Variants in TMEM132C observed in about 807,000 individuals in gnomAD.
TMEM132C encodes the protein protein phosphatase 1, regulatory subunit 152.
In TMEM132C, 29 loss-of-function variants were observed where a neutral mutation model predicts 61.4. The ratio of observed to expected loss-of-function variants is 0.47; its 90% CI spans 0.35 to 0.64. TMEM132C has a LOEUF of 0.64. TMEM132C is among the 30% of genes least tolerant of loss of function. The pLI is 0.00. For synonymous variants in TMEM132C, 656 were observed against 633.1 expected (o/e 1.04, Z -0.54); for missense variants, 1,408 against 1,476.9 (o/e 0.95, Z 0.76).
chr12:128,398,447 T>C (rs568866346), intron 1 of TMEM132C, among the ~76,000 whole-genome samples: 9 of 152,372 alleles, frequency 5.9e-5, no homozygotes, highest in African/African-American at 2.2e-4. Flanking sequence ...TTGTAGTTCA[T>C]AAGGTTTTCA....
chr12:128,433,301 C>G (rs1022860736), intron 2 of TMEM132C, among the ~76,000 whole-genome samples: 1 of 152,114 alleles, frequency 6.6e-6, no homozygotes, highest in Non-Finnish European at 1.5e-5. Context: ...TAGGGACTTT[C>G]CAGTGGAACA....
chr12:128,585,049 G>A (rs753888283), intron 3 of TMEM132C, among the ~76,000 whole-genome samples: 6 of 152,242 alleles, frequency 3.9e-5, no homozygotes, highest in Non-Finnish European at 8.8e-5. Flanking sequence ...CAGGAGGCAT[G>A]CTTCACTGGG....
chr12:128,554,011 A>C (rs527541580), intron 3 of TMEM132C, among the ~76,000 whole-genome samples: 1 of 152,284 alleles, frequency 6.6e-6, no homozygotes, highest in Admixed American at 6.5e-5. Flanking sequence ...TTTAACCTCA[A>C]AACTTCTAAA....
chr12:128,510,865 G>T (rs1205532001), intron 2 of TMEM132C, among the ~76,000 whole-genome samples: 1 of 152,236 alleles, frequency 6.6e-6, no homozygotes, highest in Non-Finnish European at 1.5e-5. Flanking sequence ...AGTGCCCTAT[G>T]CCTGCTGCTC....
intron 7 of TMEM132C, among the ~76,000 whole-genome samples, chr12:128,696,308 C>T (rs1004824986): frequency 2.6e-5 from 4 of 152,132 alleles, no homozygotes; most frequent in Admixed American, 6.5e-5. Flanking sequence ...CTTAGCTCCC[C>T]GTGTGACCTC....
intron 2 of TMEM132C, among the ~76,000 whole-genome samples, chr12:128,507,793 C>T (rs533079698): frequency 2.6e-4 from 40 of 152,298 alleles, no homozygotes; most frequent in African/African-American, 6.0e-4. Context: ...TCCAAGGCTC[C>T]GCAGACTTCT....
At position 128,630,533 on chromosome 12, in the gene TMEM132C, A is replaced by T. The variant is rs1235489004; in HGVS notation, c.1305+14198A>T. On this transcript the variant is annotated intron_variant, in intron 4 of 8. Transcript: ENST00000435159. The surrounding 1 kb of genome is among the most constrained non-coding windows in gnomAD (Gnocchi z 4.3). The stretch of plus-strand genomic sequence containing the variant: ...AAAAGAGCAACCTGGAACCCCTCTG[A>T]GCTTTCCCCACTCCCTTTGCAGTCT... 6.6e-6 allele frequency among the ~76,000 whole-genome samples: 1 copy of T among 152,058 alleles called. No individual in the cohort carries two copies. The highest frequency in any genetic ancestry group is 1.5e-5 in the Non-Finnish European group (1 of 68,006).
intron 4 of TMEM132C, among the ~76,000 whole-genome samples, chr12:128,663,959 T>TACAC (rs147494916): frequency 0.52 from 66,041 of 128,048 alleles, 16,306 homozygotes; most frequent in East Asian, 0.6. Context: ...CACACACACA[T>TACAC]ACAGGCACAT....
rs111454251 is a variant in TMEM132C at position 128,467,955 on chromosome 12, AG to A, written c.974+52337del. Among the ~76,000 whole-genome samples, 4 of 152,350 alleles carry A rather than the reference AG, an allele frequency of 2.6e-5. 1 individual carries two copies. Among genetic ancestry groups the A allele is most frequent in the African/African-American group, 9.6e-5 (4 of 41,596 alleles). On this transcript the variant is annotated intron_variant, in intron 2 of 8. Transcript: ENST00000435159. Reference sequence around the variant, plus strand: ...AGGGGCATCAATCAGACGGTCATACAGGTATGTGAACCTATGATAAACATGT... The same window carrying A: ...AGGGGCATCAATCAGACGGTCATACAGTATGTGAACCTATGATAAACATGT...
At chr12:128,399,266 A>G (rs916185607) in intron 1 of TMEM132C, among the ~76,000 whole-genome samples, 1 of 152,148 alleles carries the variant, frequency 6.6e-6, no homozygotes, top group African/African-American at 2.4e-5. Flanking sequence ...TAAGCTCTTT[A>G]TTTTTGAGGA....
chr12:128,654,145 C>G (rs1384893146), intron 4 of TMEM132C, among the ~76,000 whole-genome samples: 1 of 152,200 alleles, frequency 6.6e-6, no homozygotes, highest in African/African-American at 2.4e-5. Context: ...ATCTGACCTT[C>G]TTTGGAAATA....
In TMEM132C at chr12:128,473,235, T is replaced by C. The variant is rs1323126987; in HGVS notation, c.974+57615T>C. 4.5e-3 allele frequency among the ~76,000 whole-genome samples: 53 copies of C among 11,832 alleles called. 1 individual carries two copies. The highest frequency in any genetic ancestry group is 0.016 in the African/African-American group (39 of 2,424). The allele number at this position is 11,832 out of a possible 152,430, so 7.8% of individuals were successfully genotyped here. A position where few individuals can be genotyped will look rare whatever the true frequency, so the allele number is the denominator to read the frequency against. On this transcript the variant is annotated intron_variant, in intron 2 of 8. Transcript: ENST00000435159. ...TCACTCCAGCCTCCATCTTTGTCCT[T>C]ACTCCAGCGTCTATCTTCATCCTCA...
At chr12:128,323,301 A>C (rs550806003) in intron 1 of TMEM132C, among the ~76,000 whole-genome samples, 77 of 152,354 alleles carry the variant, frequency 5.1e-4, no homozygotes, top group African/African-American at 1.7e-3. Context: ...CGTGGAAGAC[A>C]AAGTGTCAGG....
intron 2 of TMEM132C, among the ~76,000 whole-genome samples, chr12:128,432,052 G>A (rs1016583634): frequency 2.6e-5 from 4 of 152,064 alleles, no homozygotes; most frequent in East Asian, 3.9e-4. Flanking sequence ...TTTATAGGAC[G>A]GCTTACTAAA....
chr12:128,335,485 T>G (rs1284759876), intron 1 of TMEM132C, among the ~76,000 whole-genome samples: 1 of 152,238 alleles, frequency 6.6e-6, no homozygotes, highest in African/African-American at 2.4e-5. Context: ...CGTCATTATA[T>G]TGAATGGGGC....
chr12:128,574,951 C>T (rs1198603918), intron 3 of TMEM132C, among the ~76,000 whole-genome samples: 1 of 152,152 alleles, frequency 6.6e-6, no homozygotes, highest in Non-Finnish European at 1.5e-5. Context: ...TCAGTAGGTG[C>T]AAAACAGGCT....
chr12:128,652,738 G>A (rs1182657512), intron 4 of TMEM132C, among the ~76,000 whole-genome samples: 1 of 152,204 alleles, frequency 6.6e-6, no homozygotes, highest in Admixed American at 6.5e-5. Flanking sequence ...CAAAAATAAT[G>A]GCAGAGGAGT....
chr12:128,603,208 T>G (rs1483316454), intron 3 of TMEM132C, among the ~76,000 whole-genome samples: 1 of 152,144 alleles, frequency 6.6e-6, no homozygotes, highest in Non-Finnish European at 1.5e-5. Context: ...GCATTATCAG[T>G]TCTGCAGCCT....
chr12:128,373,622 A>AG (rs1300921662), intron 1 of TMEM132C, among the ~76,000 whole-genome samples: 1 of 152,210 alleles, frequency 6.6e-6, no homozygotes. Context: ...GGGGCACAGA[A>AG]GGTCAGCACC....
Sources: allele counts gnomAD v4.1 joint callset (sites outside exome capture counted in the v4.1 genomes callset), GRCh38; gene constraint gnomAD v4.1.1; non-coding constraint Gnocchi (gnomAD v3.1); transcripts MANE v1.5; gene names NCBI Gene and HGNC (gene_info 2026-07-23, HGNC 2026-07-21).